Variants in WWOX observed in about 807,000 individuals in gnomAD.
WWOX encodes WW domain-containing oxidoreductase.
WWOX carries 69 observed loss-of-function variants against 46.2 expected under a neutral mutation model. That is an observed-to-expected ratio of 1.49 (90% CI 1.23 to 1.82). The LOEUF (loss-of-function observed/expected upper bound fraction) is 1.82, where lower values mean the gene tolerates loss of function less well. Among genes scored for constraint, WWOX ranks in the 40% most tolerant of loss-of-function variants. WWOX has a pLI of 0.00. For synonymous variants in WWOX, 359 were observed against 202.6 expected, an observed-to-expected ratio of 1.77 and a Z score of -6.56; for missense variants, 919 against 542.6, an observed-to-expected ratio of 1.69 and a Z score of -6.89.
intron 6 of WWOX, among the ~76,000 whole-genome samples, chr16:78,409,834 C>T (rs982370471): frequency 3.3e-5 from 5 of 152,310 alleles, no homozygotes; most frequent in East Asian, 1.9e-4. Context: ...CTGACCTTAG[C>T]CCTGTAGTCC....
intron 8 of WWOX, among the ~76,000 whole-genome samples, chr16:79,070,353 G>C (rs1002147760): frequency 6.6e-6 from 1 of 151,790 alleles, no homozygotes; most frequent in African/African-American, 2.4e-5. Context: ...GATTACTGTT[G>C]AGAAGTAAAT....
chr16:79,046,560 G>T (rs1428543755), intron 8 of WWOX, among the ~76,000 whole-genome samples: 2 of 152,198 alleles, frequency 1.3e-5, no homozygotes, highest in Non-Finnish European at 2.9e-5. Context: ...ATGGTGGGAA[G>T]AGGGTGAGAG....
At chr16:78,695,093 T>C (rs576631785) in intron 8 of WWOX, among the ~76,000 whole-genome samples, 2 of 152,312 alleles carry the variant, frequency 1.3e-5, no homozygotes, top group East Asian at 3.9e-4. Flanking sequence ...GCTACTTTCA[T>C]TTACCATGTT....
At chr16:78,645,178 C>G (rs1157267596) in intron 8 of WWOX, among the ~76,000 whole-genome samples, 3 of 152,088 alleles carry the variant, frequency 2.0e-5, no homozygotes, top group African/African-American at 7.2e-5. Flanking sequence ...AGGGTTTTTT[C>G]CATGTACTGG....
intron 8 of WWOX, among the ~76,000 whole-genome samples, chr16:78,931,711 T>C (rs1238627201): frequency 6.6e-6 from 1 of 152,224 alleles, no homozygotes; most frequent in African/African-American, 2.4e-5. Context: ...ATTTTCCAAC[T>C]GTTCACAGAG....
chr16:78,943,535 C>T (rs573285232), intron 8 of WWOX, among the ~76,000 whole-genome samples: 3 of 152,284 alleles, frequency 2.0e-5, no homozygotes, highest in African/African-American at 7.2e-5. Flanking sequence ...TTTATCAGAG[C>T]AGCCTTGCTC....
intron 8 of WWOX, among the ~76,000 whole-genome samples, chr16:79,151,044 A>G (rs2050268700): frequency 6.6e-6 from 1 of 152,140 alleles, no homozygotes; most frequent in Non-Finnish European, 1.5e-5. Context: ...TTTTCATTTT[A>G]CCAGTGCAAC....
chr16:78,921,434 T>G (rs2045376415), intron 8 of WWOX, among the ~76,000 whole-genome samples: 1 of 152,186 alleles, frequency 6.6e-6, no homozygotes, highest in South Asian at 2.1e-4. Context: ...CCTGAAGCAT[T>G]TGAGCTGCAA....
intron 8 of WWOX, among the ~76,000 whole-genome samples, chr16:79,067,468 C>A (rs1482298990): frequency 6.6e-6 from 1 of 152,114 alleles, no homozygotes; most frequent in Non-Finnish European, 1.5e-5. Flanking sequence ...CTGAGATGCT[C>A]TTCTCGGCTC....
chr16:78,667,128 C>T (rs2047349367), intron 8 of WWOX, among the ~76,000 whole-genome samples: 1 of 152,126 alleles, frequency 6.6e-6, no homozygotes, highest in Non-Finnish European at 1.5e-5. Flanking sequence ...TAGTACTTTT[C>T]ACTCTCCTCC....
chr16:78,194,210 G>C (rs568447902), intron 5 of WWOX, among the ~76,000 whole-genome samples: 25 of 152,134 alleles, frequency 1.6e-4, no homozygotes, highest in African/African-American at 5.8e-4. Context: ...TTGGAGTCAG[G>C]GTGTTTGTTA....
chr16:78,476,668 C>G (rs62034157), intron 8 of WWOX, among the ~76,000 whole-genome samples: 1 of 151,792 alleles, frequency 6.6e-6, no homozygotes, highest in African/African-American at 2.4e-5. Flanking sequence ...TTTCAAGACC[C>G]GTCCCCCATG....
chr16:79,171,463 C>A (rs1019243179), intron 8 of WWOX, among the ~76,000 whole-genome samples: 35 of 152,094 alleles, frequency 2.3e-4, no homozygotes, highest in Non-Finnish European at 4.7e-4. Context: ...AGTTTTTTGT[C>A]GGTGTCATCT....
chr16:78,939,529 G>C (rs1597179136), intron 8 of WWOX, among the ~76,000 whole-genome samples: 1 of 152,168 alleles, frequency 6.6e-6, no homozygotes, highest in Non-Finnish European at 1.5e-5. Context: ...AATAAAGCAG[G>C]AGATTTATTT....
chr16:78,392,935 T>C (rs1567545644), intron 6 of WWOX, among the ~76,000 whole-genome samples: 1 of 152,174 alleles, frequency 6.6e-6, no homozygotes, highest in Non-Finnish European at 1.5e-5. Flanking sequence ...AGCCTCAGCC[T>C]GCTTCCAGAT....
intron 8 of WWOX, among the ~76,000 whole-genome samples, chr16:79,056,018 T>C (rs1009120122): frequency 8.5e-5 from 13 of 152,142 alleles, no homozygotes; most frequent in Admixed American, 2.0e-4. Flanking sequence ...GCAAGTACTT[T>C]CCATGAAATA....
At chr16:78,634,837 A>AGAGTGTGT (rs1346762709) in intron 8 of WWOX, among the ~76,000 whole-genome samples, 18 of 111,782 alleles carry the variant, frequency 1.6e-4, no homozygotes, top group South Asian at 3.1e-4. Flanking sequence ...AGAGAGAGAG[A>AGAGTGTGT]GTGTGTGTGT....
intron 8 of WWOX, among the ~76,000 whole-genome samples, chr16:78,655,609 A>G (rs2047062752): frequency 6.6e-6 from 1 of 151,588 alleles, no homozygotes; most frequent in African/African-American, 2.4e-5. Context: ...TAACTACAAA[A>G]TGGAACGGCT....
At chr16:78,869,605 C>T (rs1037645481) in intron 8 of WWOX, among the ~76,000 whole-genome samples, 2 of 152,170 alleles carry the variant, frequency 1.3e-5, no homozygotes, top group African/African-American at 4.8e-5. Context: ...TGCGCATGGG[C>T]TCGTTGGGAA....
Sources: gnomAD v4.1 joint callset for allele counts (sites outside exome capture counted in the v4.1 genomes callset) on GRCh38, gnomAD v4.1.1 for gene constraint, MANE v1.5 for transcripts, NCBI Gene and HGNC (gene_info 2026-07-23, HGNC 2026-07-21) for gene names.